The following SEC24A variants were observed in gnomAD, a reference collection of about 807,000 sequenced individuals.
The protein encoded by SEC24A is SEC24 homolog A, COPII component.
A neutral mutation model predicts 129.4 loss-of-function variants in SEC24A; 93 were observed. The observed-to-expected ratio is 0.72, with a 90% CI of 0.61 to 0.85. The LOEUF is 0.85. Among genes scored for constraint, SEC24A ranks in the 40% least tolerant of loss-of-function variants. The probability of loss-of-function intolerance (pLI) is 0.00; values close to 1 mark genes in which losing one functional copy is unlikely to be tolerated. For synonymous variants in SEC24A, 460 were observed against 467.3 expected (o/e 0.98, Z 0.20); for missense variants, 1,264 against 1,307.4 (o/e 0.97, Z 0.51).
At chr5:134,714,946 A>C (rs1212476467) in intron 18 of SEC24A, 78 bp from the exon 19 acceptor site, 2 of 1,384,050 alleles carry the variant, frequency 1.4e-6, no homozygotes, top group African/African-American at 3.0e-5. Flanking sequence ...ATATTCTTTT[A>C]ACAACTGGCA....
chr5:134,720,627 G>C (rs1752602647), intron 20 of SEC24A, among the ~76,000 whole-genome samples: 1 of 152,190 alleles, frequency 6.6e-6, no homozygotes, highest in Admixed American at 6.5e-5. Context: ...CTCAAGCTGG[G>C]TGTGGTGGCT....
chr5:134,682,544 A>G, intron 9 of SEC24A, 62 bp downstream of exon 9: 2 of 812,106 alleles, frequency 2.5e-6, no homozygotes, highest in Non-Finnish European at 4.1e-6. Context: ...AAGTAAAACA[A>G]TACAGCATCC....
In SEC24A at chr5:134,725,851, G is replaced by T. The variant is rs371081504; in HGVS notation, c.*757G>T. The T allele has an allele frequency of 6.6e-6, 1 of 152,420 alleles. No individual in the cohort carries two copies. The highest frequency in any genetic ancestry group is 1.5e-5 in the Non-Finnish European group (1 of 67,940). The allele number at this position is 152,420 out of a possible 1,614,324, so 9.4% of individuals were successfully genotyped here. ...TTTGAGCTGTCTTCATAAACACTGGGACTAGCAATGATAATAGGGAGATAA... is the reference window on the plus strand; with the variant it reads ...TTTGAGCTGTCTTCATAAACACTGGTACTAGCAATGATAATAGGGAGATAA... On this transcript the variant is annotated 3_prime_UTR_variant, in exon 23 of 23. Coordinates refer to ENST00000398844, the MANE Select transcript of SEC24A (RefSeq NM_021982.3).
At chr5:134,694,224 A>C (rs1160085004) in intron 13 of SEC24A, among the ~76,000 whole-genome samples, 1 of 152,136 alleles carries the variant, frequency 6.6e-6, no homozygotes, top group Non-Finnish European at 1.5e-5. Flanking sequence ...CTGATTGACC[A>C]GTTAAGAATA....
intron 9 of SEC24A, among the ~76,000 whole-genome samples, chr5:134,683,342 C>G (rs1218356039): frequency 6.6e-6 from 1 of 151,938 alleles, no homozygotes; most frequent in Admixed American, 6.6e-5. Context: ...TTATAAGTTA[C>G]AGTCAGTTTT....
chr5:134,699,465 A>AT (rs1407408622), intron 15 of SEC24A, among the ~76,000 whole-genome samples: 2 of 151,190 alleles, frequency 1.3e-5, no homozygotes, highest in Non-Finnish European at 2.9e-5. Flanking sequence ...TGCCCAGCTA[A>AT]TTTTTTGTAT....
rs560016366 is a variant in SEC24A at position 134,661,094 on chromosome 5, T to G, written c.98-25T>G. On this transcript the variant is annotated intron_variant, in intron 1 of 22. Coordinates refer to ENST00000398844, the MANE Select transcript of SEC24A (RefSeq NM_021982.3). ...GTATTGCTATATTCGTTGGTAAGACTAATTTTTCCTCCTTTTATTGGAAGG... is the reference window on the plus strand; with the variant it reads ...GTATTGCTATATTCGTTGGTAAGACGAATTTTTCCTCCTTTTATTGGAAGG... 6 of 1,515,676 alleles carry G rather than the reference T, an allele frequency of 4.0e-6. No individual in the cohort carries two copies. The East Asian group carries it at 6.8e-5, about 17-fold the overall frequency. 93.9% of individuals were successfully genotyped at this position (1,515,676 alleles called of 1,614,324 possible).
At chr5:134,679,553 CATG>C (rs1751188017) in intron 7 of SEC24A, 46 bp from the exon 8 acceptor site, 1 of 1,365,756 alleles carries the variant, frequency 7.3e-7, no homozygotes, top group Non-Finnish European at 1.0e-6. Flanking sequence ...ATGTTTTCAA[CATG>C]ATGATTTTTG....
chr5:134,672,564 A>G (rs1229571192), intron 4 of SEC24A, among the ~76,000 whole-genome samples: 1 of 152,144 alleles, frequency 6.6e-6, no homozygotes, highest in Non-Finnish European at 1.5e-5. Flanking sequence ...TCCTGGGCTC[A>G]AGCGATCTGC....
intron 15 of SEC24A, among the ~76,000 whole-genome samples, chr5:134,699,443 C>T (rs796703335): frequency 1.9e-4 from 29 of 151,576 alleles, no homozygotes; most frequent in East Asian, 7.8e-4. Flanking sequence ...GGACTACAGG[C>T]GCCTGCCACC....
intron 15 of SEC24A, among the ~76,000 whole-genome samples, chr5:134,703,179 G>T (rs1410144558): frequency 1.3e-5 from 2 of 152,174 alleles, no homozygotes; most frequent in South Asian, 4.1e-4. Context: ...GAGTATATCT[G>T]TAGGACACAT....
At chr5:134,711,849 G>A (rs1188435003) in intron 18 of SEC24A, among the ~76,000 whole-genome samples, 2 of 151,896 alleles carry the variant, frequency 1.3e-5, no homozygotes, top group Non-Finnish European at 2.9e-5. Flanking sequence ...CCAGGTTCAC[G>A]CCATTCTCCT....
At chr5:134,694,285 G>A (rs1348626254) in intron 13 of SEC24A, among the ~76,000 whole-genome samples, 3 of 152,080 alleles carry the variant, frequency 2.0e-5, no homozygotes, top group Non-Finnish European at 2.9e-5. Context: ...CAACATCTTG[G>A]GAGGCCGAGT....
intron 1 of SEC24A, among the ~76,000 whole-genome samples, chr5:134,655,933 T>C (rs1750228817): frequency 6.6e-6 from 1 of 151,972 alleles, no homozygotes; most frequent in Non-Finnish European, 1.5e-5. Context: ...TCCTTAAATA[T>C]TGGTGTTCTT....
At chr5:134,718,459 C>G (rs1026522630) in intron 20 of SEC24A, among the ~76,000 whole-genome samples, 1 of 151,824 alleles carries the variant, frequency 6.6e-6, no homozygotes, top group Non-Finnish European at 1.5e-5. Context: ...AAAAGTTAAC[C>G]TTAGGCGGGT....
intron 1 of SEC24A, among the ~76,000 whole-genome samples, chr5:134,655,012 G>A (rs1294935866): frequency 6.6e-6 from 1 of 151,910 alleles, no homozygotes; most frequent in Non-Finnish European, 1.5e-5. Flanking sequence ...ACTACGCCTG[G>A]CCCAGGCTTT....
intron 18 of SEC24A, among the ~76,000 whole-genome samples, chr5:134,709,771 T>C (rs974061389): frequency 2.0e-5 from 3 of 152,212 alleles, no homozygotes; most frequent in Admixed American, 2.0e-4. Context: ...CTCATAAATA[T>C]ATATAATTAG....
chr5:134,698,146 C>G (rs1024081041), intron 15 of SEC24A, 89 bp downstream of exon 15: 2 of 1,114,056 alleles, frequency 1.8e-6, no homozygotes, highest in African/African-American at 3.1e-5. Flanking sequence ...TAAGATTGCC[C>G]TTCTGAGATA....
chr5:134,649,026 C>T lies in SEC24A; in HGVS notation c.-51C>T. ...CTTTCAGCAGTGGTCTTTCAGCTCT[C>T]TTCTTGTGCGCTGTTGTCGACCCCG... On this transcript the variant is annotated 5_prime_UTR_variant, in exon 1 of 23. Transcript: ENST00000398844. The T allele has an allele frequency of 7.3e-7, 1 of 1,378,776 alleles. No individual in the cohort carries two copies. The highest frequency in any genetic ancestry group is 1.0e-6 in the Non-Finnish European group (1 of 982,816). The allele number at this position is 1,378,776 out of a possible 1,614,324, so 85.4% of individuals were successfully genotyped here.
Sources: gnomAD v4.1 joint callset for allele counts (sites outside exome capture counted in the v4.1 genomes callset) on GRCh38, gnomAD v4.1.1 for gene constraint, MANE v1.5 for transcripts, NCBI Gene and HGNC (gene_info 2026-07-23, HGNC 2026-07-21) for gene names.